Variants in STRIP1 observed in about 807,000 individuals in gnomAD.
STRIP1 encodes the protein striatin-interacting protein 1.
In STRIP1, 63 loss-of-function variants were observed where a neutral mutation model predicts 106.2. The ratio of observed to expected loss-of-function variants is 0.59; its 90% CI spans 0.48 to 0.73. The LOEUF (loss-of-function observed/expected upper bound fraction) is 0.73, where lower values mean the gene tolerates loss of function less well. Ranked by LOEUF, STRIP1 falls within the 30% of genes least tolerant of loss-of-function variation. The pLI is 0.00. For synonymous variants in STRIP1, 390 were observed against 413.0 expected (o/e 0.94, Z 0.67); for missense variants, 857 against 1,074.8 (o/e 0.80, Z 2.83).
At chr1:110,050,844 C>T (rs1382239856) in intron 18 of STRIP1, 112 bp from the exon 19 acceptor site, 1 of 685,812 alleles carries the variant, frequency 1.5e-6, no homozygotes, top group African/African-American at 1.8e-5. Context: ...CAGGGGATTC[C>T]TGGTAGAGGC....
chr1:110,041,497 C>T (rs774643132), intron 6 of STRIP1, 39 bp from the exon 7 acceptor site: 4 of 1,524,650 alleles, frequency 2.6e-6, no homozygotes, highest in Non-Finnish European at 3.6e-6. Flanking sequence ...CCTTTGACCC[C>T]CCCATCCCAC....
At chr1:110,050,213 C>T in intron 17 of STRIP1, 130 bp from the exon 18 acceptor site, 1 of 803,136 alleles carries the variant, frequency 1.2e-6, no homozygotes, top group Non-Finnish European at 2.1e-6. Flanking sequence ...GGGTGGGACA[C>T]ATCAGGTAGA....
Position 110,051,553 on chromosome 1 carries a change from A to G in STRIP1, c.2062-130A>G, listed in dbSNP as rs1653304041. On this transcript the variant is annotated intron_variant, in intron 19 of 20. Transcript: ENST00000369795. The stretch of plus-strand genomic sequence containing the variant: ...AGTCCTATGTATCAGGAAACTCTTC[A>G]GTCCAAGGGAAACTGGGATGGTTTG... 4.5e-6 allele frequency: 4 copies of G among 887,486 alleles called. No homozygotes were observed. In the Admixed American group the frequency reaches 9.2e-5, roughly 20 times the overall value. The allele number at this position is 887,486 out of a possible 1,614,324, so 55.0% of individuals were successfully genotyped here.
intron 3 of STRIP1, 72 bp from the exon 4 acceptor site, chr1:110,039,100 T>G: frequency 6.4e-7 from 1 of 1,565,576 alleles, no homozygotes; most frequent in Non-Finnish European, 8.7e-7. Flanking sequence ...CTGAATTTGG[T>G]GAGTTAACAT....
intron 3 of STRIP1, 137 bp downstream of exon 3, chr1:110,038,894 G>GATAC (rs1652622673): frequency 1.2e-6 from 1 of 809,562 alleles, no homozygotes; most frequent in Non-Finnish European, 2.0e-6. Context: ...TTCAAAGCCA[G>GATAC]ATACATGTAG....
rs1468281941 is a variant in STRIP1 at position 110,047,554 on chromosome 1, G to A, written c.1501G>A (p.Val501Ile). Residue 501 changes from valine (V) to isoleucine (I), a missense_variant, in exon 14 of 21, where the codon GTT becomes ATT. By Grantham distance (29) the Val-to-Ile change is conservative. This residue lies in a region of STRIP1 where 750 missense variants were observed against 989.8 expected (regional missense o/e 0.76). Coordinates refer to ENST00000369795, the MANE Select transcript of STRIP1 (RefSeq NM_033088.4). ...ATTATGTTAAAAGGGAGAAGAAGAA[G>A]TTGAGCAAGTCCCTGCAGAAACCCT... ...RSPLSGGEEE[V>I]EQVPAETLYQ... 2 of 1,611,704 alleles carry A rather than the reference G, an allele frequency of 1.2e-6. No homozygotes were observed. The highest frequency in any genetic ancestry group is 1.1e-5 in the South Asian group (1 of 90,320).
chr1:110,041,620 G>T lies in STRIP1; in HGVS notation c.735G>T (p.Arg245=). Residue 245 remains arginine (R), a synonymous_variant, in exon 7 of 21, where the codon CGG becomes CGT. Coordinates refer to ENST00000369795, the MANE Select transcript of STRIP1 (RefSeq NM_033088.4). Reference sequence around the variant, plus strand: ...ACAAGGCTGAGTGGAGGACCATGCGGCAGACCTTCAGAGCCGAGCTGGGTA... The same window carrying T: ...ACAAGGCTGAGTGGAGGACCATGCGTCAGACCTTCAGAGCCGAGCTGGGTA... ...EGDKAEWRTM[R]QTFRAELGSP... is the part of the protein sequence containing the mutation. 1 of 1,614,126 alleles carries T rather than the reference G, an allele frequency of 6.2e-7. No individual in the cohort carries two copies. The highest frequency in any genetic ancestry group is 8.5e-7 in the Non-Finnish European group (1 of 1,180,024).
intron 17 of STRIP1, chr1:110,050,084 G>T (rs993969313): frequency 1.8e-5 from 9 of 493,054 alleles, no homozygotes; most frequent in Middle Eastern, 1.1e-3. Flanking sequence ...TGATTGCTGT[G>T]GGGGAAGCTG....
intron 10 of STRIP1, 37 bp downstream of exon 10, chr1:110,043,893 A>C: frequency 6.3e-7 from 1 of 1,589,764 alleles, no homozygotes; most frequent in Non-Finnish European, 8.6e-7. Flanking sequence ...ATAGTTCCTG[A>C]GGCAGAGCCC....
chr1:110,043,947 G>T (rs767550981), intron 10 of STRIP1, 91 bp downstream of exon 10: 5 of 1,198,750 alleles, frequency 4.2e-6, no homozygotes, highest in African/African-American at 1.5e-5. Context: ...ACCATGTGTG[G>T]TCCTCTGCAG....
In STRIP1 at chr1:110,054,008, C is replaced by A. The variant is rs575751799; in HGVS notation, c.*96C>A. On this transcript the variant is annotated 3_prime_UTR_variant, in exon 21 of 21. Coordinates refer to ENST00000369795, the MANE Select transcript of STRIP1 (RefSeq NM_033088.4). Reference sequence around the variant, plus strand: ...ATTGCTGCAGTGCTCCCATCCCCCACCAGGTGGCAGCACAGCCCCACTGTG... The same window carrying A: ...ATTGCTGCAGTGCTCCCATCCCCCAACAGGTGGCAGCACAGCCCCACTGTG... 2 of 1,478,528 alleles carry A rather than the reference C, an allele frequency of 1.4e-6. No homozygotes were observed. The highest frequency in any genetic ancestry group is 1.8e-6 in the Non-Finnish European group (2 of 1,083,566). The allele number at this position is 1,478,528 out of a possible 1,614,324, so 91.6% of individuals were successfully genotyped here. A position where few individuals can be genotyped will look rare whatever the true frequency, so the allele number is the denominator to read the frequency against.
chr1:110,037,878 C>G lies in STRIP1; in HGVS notation c.181-13C>G, dbSNP rs142480628. The stretch of plus-strand genomic sequence containing the variant: ...TGATCCTTTTTCCTAAAGCTCTCTC[C>G]TCTTGTCAGCAGGGCTATTCGGAGT... On this transcript the variant is annotated splice_polypyrimidine_tract_variant and intron_variant, in intron 1 of 20. Transcript: ENST00000369795. 313 of 1,594,400 alleles carry G rather than the reference C, an allele frequency of 2.0e-4. 3 individuals are homozygous for G. The African/African-American group carries it at 3.6e-3, about 18-fold the overall frequency.
In STRIP1 at chr1:110,049,573, A is replaced by G. The variant is rs1356315769; in HGVS notation, c.1889+13A>G. 2 of 1,584,856 alleles carry G rather than the reference A, an allele frequency of 1.3e-6. No homozygotes were observed. Among genetic ancestry groups the G allele is most frequent in the Non-Finnish European group, 8.6e-7 (1 of 1,156,648 alleles). On this transcript the variant is annotated intron_variant, in intron 17 of 20. Transcript: ENST00000369795. ...CTGCCAAGAACAGGTGATGAGGGCC[A>G]GGGACCATGAAGGGGTGGATATGGT...
rs375085796 is a variant in STRIP1, at chr1:110,053,928, G to A, written c.*16G>A. The A allele has an allele frequency of 2.9e-4, 460 of 1,613,360 alleles. No individual in the cohort carries two copies. Among genetic ancestry groups the A allele is most frequent in the Non-Finnish European group, 3.7e-4 (439 of 1,179,778 alleles). ...GCTGCAGTGAGGCTGTTGGTTAGGG[G>A]ACTGAAATGGAGAGAAAAGATGATC... On this transcript the variant is annotated 3_prime_UTR_variant, in exon 21 of 21. Transcript: ENST00000369795.
rs1653313908 is a variant in STRIP1 at position 110,051,832 on chromosome 1, T to C, written c.2211T>C (p.Ser737=). 6.2e-7 allele frequency: 1 copy of C among 1,613,326 alleles called. No individual in the cohort carries two copies. Among genetic ancestry groups the C allele is most frequent in the African/African-American group, 1.3e-5 (1 of 74,888 alleles). The change falls in exon 20 of 21, where the codon TCT becomes TCC. Residue 737 remains serine, a synonymous_variant. Transcript: ENST00000369795. ...GAAAGAGCAACATGAAGACCATGTC[T>C]GCCATCTACCAGAAGGTGCGGCATC... ...QWRKSNMKTM[S]AIYQKVRHRL...
Position 110,047,566 on chromosome 1 carries a change from C to T in STRIP1, c.1513C>T (p.Pro505Ser). 6.2e-7 allele frequency: 1 copy of T among 1,612,064 alleles called. No individual in the cohort carries two copies. Among genetic ancestry groups the T allele is most frequent in the Non-Finnish European group, 8.5e-7 (1 of 1,179,088 alleles). ...SGGEEEVEQV[P>S]AETLYQGLLP... Reference sequence around the variant, plus strand: ...GGGAGAAGAAGAAGTTGAGCAAGTCCCTGCAGAAACCCTCTACCAAGGCTT... The same window carrying T: ...GGGAGAAGAAGAAGTTGAGCAAGTCTCTGCAGAAACCCTCTACCAAGGCTT... The change falls in exon 14 of 21, where the codon CCT becomes TCT. Residue 505 changes from proline to serine, a missense_variant. Physicochemically the swap from Pro to Ser is moderately conservative, Grantham distance 74. This residue lies in a region of STRIP1 where 750 missense variants were observed against 989.8 expected (regional missense o/e 0.76). Coordinates refer to ENST00000369795, the MANE Select transcript of STRIP1 (RefSeq NM_033088.4).
At chr1:110,043,377 C>T in intron 9 of STRIP1, 107 bp downstream of exon 9, 1 of 1,223,388 alleles carries the variant, frequency 8.2e-7, no homozygotes, top group Admixed American at 2.0e-5. Context: ...CTCTGATCAG[C>T]CAGTCAGAAT....
chr1:110,034,627 G>A lies in STRIP1; in HGVS notation c.-11G>A, dbSNP rs1427377162. The A allele has an allele frequency of 9.9e-6, 15 of 1,517,070 alleles. No homozygotes were observed. Among genetic ancestry groups the A allele is most frequent in the Admixed American group, 4.3e-5 (2 of 46,116 alleles). The allele number at this position is 1,517,070 out of a possible 1,614,324, so 94.0% of individuals were successfully genotyped here. Reference sequence around the variant, plus strand: ...GTGCGCGAGTTAAGCTGGGGGTGTGGAGCAGCCAAGATGGAGCCGGCAGTC... The same window carrying A: ...GTGCGCGAGTTAAGCTGGGGGTGTGAAGCAGCCAAGATGGAGCCGGCAGTC... On this transcript the variant is annotated 5_prime_UTR_variant, in exon 1 of 21. Coordinates refer to ENST00000369795, the MANE Select transcript of STRIP1 (RefSeq NM_033088.4).
chr1:110,045,207 T>G, intron 12 of STRIP1, 129 bp downstream of exon 12: 1 of 749,258 alleles, frequency 1.3e-6, no homozygotes, highest in Non-Finnish European at 2.3e-6. Context: ...CGGGGTGGAC[T>G]TTGCAATAAC....
Sources: gnomAD v4.1 joint callset for allele counts on GRCh38, gnomAD v4.1.1 for gene constraint, gnomAD v4.1.1 regional missense constraint, MANE v1.5 for transcripts, NCBI Gene and HGNC (gene_info 2026-07-23, HGNC 2026-07-21) for gene names.